ZFC3H1: variants seen among roughly 807,000 people sequenced by gnomAD.
ZFC3H1 encodes the protein zinc finger C3H1 domain-containing protein.
ZFC3H1 carries 71 observed loss-of-function variants against 243.7 expected under a neutral mutation model. That is an observed-to-expected ratio of 0.29 (90% CI 0.24 to 0.36). ZFC3H1 has a LOEUF of 0.36. Ranked by LOEUF, ZFC3H1 falls within the 10% of genes least tolerant of loss-of-function variation. The pLI is 1.00. For synonymous variants in ZFC3H1, 838 were observed against 813.0 expected (o/e 1.03, Z -0.52); for missense variants, 1,966 against 2,317.1 (o/e 0.85, Z 3.11).
chr12:71,642,614 T>C (rs1880627021), intron 5 of ZFC3H1, 55 bp from the exon 6 acceptor site: 1 of 1,556,348 alleles, frequency 6.4e-7, no homozygotes, highest in Non-Finnish European at 8.7e-7. Flanking sequence ...GGGTTACAAA[T>C]CACAAAAGAA....
At chr12:71,631,240 G>T (rs1880315605) in intron 16 of ZFC3H1, among the ~76,000 whole-genome samples, 1 of 151,864 alleles carries the variant, frequency 6.6e-6, no homozygotes, top group African/African-American at 2.4e-5. Flanking sequence ...TATAATACCG[G>T]TATTTCTTAC....
chr12:71,650,775 A>C (rs967508035), intron 2 of ZFC3H1, among the ~76,000 whole-genome samples: 2 of 152,216 alleles, frequency 1.3e-5, no homozygotes, highest in Admixed American at 6.5e-5. Context: ...ATGCAGCCAG[A>C]GTGATGCCTT....
At chr12:71,648,512 T>C (rs756304597) in intron 2 of ZFC3H1, among the ~76,000 whole-genome samples, 4 of 152,202 alleles carry the variant, frequency 2.6e-5, no homozygotes, top group Admixed American at 1.3e-4. Flanking sequence ...AAATCTTTCC[T>C]TAAGATGACA....
chr12:71,610,588 GAA>G, intron 34 of ZFC3H1, 23 bp from the exon 35 acceptor site: 2 of 1,612,806 alleles, frequency 1.2e-6, no homozygotes, highest in Non-Finnish European at 1.7e-6. Flanking sequence ...GGGAAGCATA[GAA>G]GTAAGACTTA....
intron 3 of ZFC3H1, among the ~76,000 whole-genome samples, chr12:71,645,633 G>A (rs542356774): frequency 2.6e-5 from 4 of 152,130 alleles, no homozygotes; most frequent in Admixed American, 6.5e-5. Flanking sequence ...TTTGCTTACA[G>A]CTGACTGTTA....
At chr12:71,656,781 T>G in intron 2 of ZFC3H1, 104 bp downstream of exon 2, 1 of 1,197,844 alleles carries the variant, frequency 8.3e-7, no homozygotes, top group Non-Finnish European at 1.2e-6. Context: ...CAAAAGAATT[T>G]ACAGATAATT....
Position 71,624,170 on chromosome 12 carries a change from A to C in ZFC3H1, c.4440T>G (p.Ala1480=). 1.2e-6 allele frequency: 2 copies of C among 1,614,070 alleles called. No homozygotes were observed. Among genetic ancestry groups the C allele is most frequent in the Non-Finnish European group, 1.7e-6 (2 of 1,180,008 alleles). ...SNILSFQLLE[A]LLFRVQLHIF... ...TGTGCAGCTGAACTCTAAACAAAAGAGCCTCTAAAAGCTGAAAGGACAAAA... is the reference window on the plus strand; with the variant it reads ...TGTGCAGCTGAACTCTAAACAAAAGCGCCTCTAAAAGCTGAAAGGACAAAA... The change falls in exon 23 of 35, where the codon GCT becomes GCG. Residue 1480 remains alanine, a synonymous_variant. Coordinates refer to ENST00000378743, the MANE Select transcript of ZFC3H1 (RefSeq NM_144982.5).
intron 21 of ZFC3H1, among the ~76,000 whole-genome samples, chr12:71,627,172 A>G (rs1265477035): frequency 1.3e-5 from 2 of 152,140 alleles, no homozygotes; most frequent in Admixed American, 6.5e-5. Context: ...AGTTATAATT[A>G]TGAAAAGATT....
In ZFC3H1 at chr12:71,636,822, C is replaced by G. The variant is rs201554629; in HGVS notation, c.1935+28G>C. On this transcript the variant is annotated intron_variant, in intron 8 of 34. Coordinates refer to ENST00000378743, the MANE Select transcript of ZFC3H1 (RefSeq NM_144982.5). ...ACCGTAAAGCTAAGCTCAAGAGCAC[C>G]ACCTAGAGGTTTAGGTACCTAAATT... The G allele has an allele frequency of 3.4e-4, 555 of 1,608,982 alleles. No individual in the cohort carries two copies. The African/African-American group carries it at 6.3e-3, about 18-fold the overall frequency.
intron 26 of ZFC3H1, 120 bp from the exon 27 acceptor site, chr12:71,619,529 G>C (rs1879973924): frequency 1.2e-6 from 1 of 835,906 alleles, no homozygotes; most frequent in Non-Finnish European, 1.8e-6. Flanking sequence ...GAGTGGGTAA[G>C]GGGCGGAGGG....
chr12:71,628,729 T>G (rs1228811086), intron 20 of ZFC3H1, among the ~76,000 whole-genome samples, 189 bp downstream of exon 20: 1 of 152,134 alleles, frequency 6.6e-6, no homozygotes, highest in Non-Finnish European at 1.5e-5. Context: ...AACACAAATA[T>G]CCCGCAATTT....
chr12:71,628,651 G>A (rs1374438052), intron 20 of ZFC3H1, among the ~76,000 whole-genome samples: 1 of 152,178 alleles, frequency 6.6e-6, no homozygotes, highest in Non-Finnish European at 1.5e-5. Flanking sequence ...TGTATGTTTG[G>A]AAATATCTGA....
In ZFC3H1 at chr12:71,636,668, A is replaced by G; in HGVS notation, c.1936-14T>C. 6.3e-7 allele frequency: 1 copy of G among 1,595,490 alleles called. No individual in the cohort carries two copies. Among genetic ancestry groups the G allele is most frequent in the East Asian group, 2.2e-5 (1 of 44,824 alleles). The stretch of plus-strand genomic sequence containing the variant: ...ACTGGATGTTTCCTACATAAGGAAG[A>G]GAAAGACATTAAACATTCCTAAATA... On this transcript the variant is annotated splice_polypyrimidine_tract_variant and intron_variant, in intron 8 of 34. Coordinates refer to ENST00000378743, the MANE Select transcript of ZFC3H1 (RefSeq NM_144982.5).
intron 4 of ZFC3H1, 59 bp downstream of exon 4, chr12:71,644,818 C>CA (rs1007587641): frequency 1.3e-6 from 2 of 1,567,410 alleles, no homozygotes; most frequent in Admixed American, 1.9e-5. Flanking sequence ...AACTCTGTCT[C>CA]AAAAAACAAA....
At chr12:71,652,495 T>A (rs150655126) in intron 2 of ZFC3H1, among the ~76,000 whole-genome samples, 21 of 152,290 alleles carry the variant, frequency 1.4e-4, no homozygotes, top group African/African-American at 4.1e-4. Flanking sequence ...CTCAATGCCC[T>A]TAAAAAGCCC....
At chr12:71,642,370 T>C (rs1450259616) in intron 6 of ZFC3H1, 66 bp downstream of exon 6, 6 of 1,508,160 alleles carry the variant, frequency 4.0e-6, no homozygotes, top group Non-Finnish European at 5.3e-6. Flanking sequence ...AGGTTTTGAG[T>C]ACCATAATGA....
intron 28 of ZFC3H1, 68 bp downstream of exon 28, chr12:71,615,138 G>A (rs1879863188): frequency 7.6e-7 from 1 of 1,308,028 alleles, no homozygotes; most frequent in Non-Finnish European, 1.1e-6. Context: ...AACAAACACA[G>A]TGTAATTCAG....
In ZFC3H1 at chr12:71,647,829, A is replaced by G. The variant is rs1335836396; in HGVS notation, c.1016-16T>C. On this transcript the variant is annotated splice_polypyrimidine_tract_variant and intron_variant, in intron 2 of 34. Coordinates refer to ENST00000378743, the MANE Select transcript of ZFC3H1 (RefSeq NM_144982.5). ...TCTTGTAATCCTTTAAAATAAAATA[A>G]TATCTTTTGAATAATCCAAAAGATA... 1.9e-6 allele frequency: 2 copies of G among 1,062,394 alleles called. No homozygotes were observed. The highest frequency in any genetic ancestry group is 2.7e-5 in the East Asian group (1 of 37,380). 65.8% of individuals were successfully genotyped at this position (1,062,394 alleles called of 1,614,324 possible). A position where few individuals can be genotyped will look rare whatever the true frequency, so the allele number is the denominator to read the frequency against.
Position 71,620,001 on chromosome 12 carries a change from C to T in ZFC3H1, c.4974G>A (p.Val1658=). The T allele has an allele frequency of 6.2e-7, 1 of 1,612,432 alleles. No homozygotes were observed. The highest frequency in any genetic ancestry group is 8.5e-7 in the Non-Finnish European group (1 of 1,179,322). The stretch of plus-strand genomic sequence containing the variant: ...GATTTTTTTCAAATGCAGTAAGCCA[C>T]ACTGCTCTGGCTTTGTCATGCTGAT... ...QTNQHDKARA[V]WLTAFEKNPQ... Residue 1658 remains valine, a synonymous_variant, in exon 26 of 35, where the codon GTG becomes GTA. Coordinates refer to ENST00000378743, the MANE Select transcript of ZFC3H1 (RefSeq NM_144982.5).
Sources: allele counts gnomAD v4.1 joint callset (sites outside exome capture counted in the v4.1 genomes callset), GRCh38; gene constraint gnomAD v4.1.1; transcripts MANE v1.5; gene names NCBI Gene and HGNC (gene_info 2026-07-23, HGNC 2026-07-21).